The following NYAP2 variants were observed in gnomAD, a reference collection of about 807,000 sequenced individuals.
NYAP2 encodes neuronal tyrosine-phosphorylated phosphoinositide-3-kinase adapter 2.
Under a neutral mutation model 50.4 loss-of-function variants are expected in NYAP2, and 23 were observed. That is an observed-to-expected ratio of 0.46 (90% confidence interval 0.33 to 0.65). NYAP2 has a LOEUF of 0.65. Among genes scored for constraint, NYAP2 ranks in the 30% least tolerant of loss-of-function variants. The pLI is 0.02. For synonymous variants in NYAP2, 394 were observed against 365.2 expected (o/e 1.08, Z -0.90); for missense variants, 885 against 861.0 (o/e 1.03, Z -0.35).
chr2:225,449,178 T>G (rs535788254), intron 3 of NYAP2, among the ~76,000 whole-genome samples: 8 of 152,332 alleles, frequency 5.3e-5, no homozygotes, highest in Admixed American at 5.2e-4. Context: ...AGTGTAAGTT[T>G]CAAAGCTTCG....
rs182717542 is a variant in NYAP2 at position 225,416,931 on chromosome 2, C to A, written c.221+7830C>A. On this transcript the variant is annotated intron_variant, in intron 3 of 6. Coordinates refer to ENST00000636099, the Ensembl canonical transcript of NYAP2. Reference sequence around the variant, plus strand: ...ACCTTCCAAACATCCAACACCATGGCAAATTGAATGATTAAACAGAAGCCC... The same window carrying A: ...ACCTTCCAAACATCCAACACCATGGAAAATTGAATGATTAAACAGAAGCCC... 6.8e-3 allele frequency among the ~76,000 whole-genome samples: 1,042 copies of A among 152,194 alleles called. 9 individuals carry two copies. The highest frequency in any genetic ancestry group is 0.024 in the African/African-American group (985 of 41,510).
chr2:225,591,643 A>G (rs1692506294), intron 5 of NYAP2, among the ~76,000 whole-genome samples: 1 of 152,144 alleles, frequency 6.6e-6, no homozygotes, highest in Non-Finnish European at 1.5e-5. Flanking sequence ...GCCGTTTTAA[A>G]GATGGAAGAA....
intron 5 of NYAP2, among the ~76,000 whole-genome samples, chr2:225,585,068 C>G (rs1043372292): frequency 6.6e-6 from 1 of 152,184 alleles, no homozygotes; most frequent in Non-Finnish European, 1.5e-5. Flanking sequence ...AAAGAATGAT[C>G]TGGTCTACAA....
chr2:225,553,614 G>A (rs181734883), intron 4 of NYAP2, among the ~76,000 whole-genome samples: 6 of 152,296 alleles, frequency 3.9e-5, no homozygotes, highest in South Asian at 2.1e-4. Flanking sequence ...GAGAAGGATC[G>A]GACAAGTGTT....
intron 4 of NYAP2, among the ~76,000 whole-genome samples, chr2:225,536,554 A>G (rs1264573476): frequency 1.3e-5 from 2 of 152,042 alleles, no homozygotes; most frequent in Non-Finnish European, 2.9e-5. Context: ...TTTTTTGAGT[A>G]TATAGTAGGT....
chr2:225,668,735 T>A, the NYAP2 span, among the ~76,000 whole-genome samples: 1 of 152,180 alleles, frequency 6.6e-6, no homozygotes, highest in African/African-American at 2.4e-5. Context: ...CTTTCCTGTG[T>A]GTGTGTCAGC....
chr2:225,675,248 T>TAA, the NYAP2 span, among the ~76,000 whole-genome samples: 1 of 152,086 alleles, frequency 6.6e-6, no homozygotes, highest in African/African-American at 2.4e-5. Flanking sequence ...ACCAAGGCAG[T>TAA]AAGCATAGTA....
chr2:225,463,461 C>G (rs1689866733), intron 3 of NYAP2, among the ~76,000 whole-genome samples: 1 of 152,222 alleles, frequency 6.6e-6, no homozygotes, highest in Admixed American at 6.5e-5. Context: ...TTTTCAGGTG[C>G]TCCTACTTTG....
At chr2:225,639,687 T>C (rs111858447) in intron 6 of NYAP2, among the ~76,000 whole-genome samples, 3,394 of 152,302 alleles carry the variant, frequency 0.022, 60 homozygotes, top group Non-Finnish European at 0.034. Flanking sequence ...ATTCTTTCAT[T>C]TATTCATCTA....
chr2:225,528,246 G>C (rs912226249), intron 4 of NYAP2, among the ~76,000 whole-genome samples: 3 of 152,180 alleles, frequency 2.0e-5, no homozygotes, highest in Non-Finnish European at 4.4e-5. Context: ...TCAACTCATG[G>C]AAAGTTAATG....
At chr2:225,477,326 T>G (rs1371766979) in intron 3 of NYAP2, among the ~76,000 whole-genome samples, 3 of 126,504 alleles carry the variant, frequency 2.4e-5, no homozygotes, top group African/African-American at 9.0e-5. Context: ...AAACTCCACC[T>G]CCTGGGTTCA....
chr2:225,650,349 A>G (rs138225560), intron 6 of NYAP2, among the ~76,000 whole-genome samples: 6 of 152,328 alleles, frequency 3.9e-5, no homozygotes, highest in African/African-American at 1.4e-4. Context: ...AATTGGGCAC[A>G]TTCTGGCTCT....
chr2:225,669,067 C>G, the NYAP2 span, among the ~76,000 whole-genome samples: 3 of 138,856 alleles, frequency 2.2e-5, no homozygotes, highest in Non-Finnish European at 4.5e-5. Context: ...GTATGAATAC[C>G]AAAAACTACA....
chr2:225,429,312 T>C (rs1213183654), intron 3 of NYAP2, among the ~76,000 whole-genome samples: 2 of 152,212 alleles, frequency 1.3e-5, no homozygotes, highest in Non-Finnish European at 2.9e-5. Context: ...AGCTTGCATG[T>C]TGCATAGTGA....
chr2:225,494,842 C>G (rs1385426559), intron 3 of NYAP2, among the ~76,000 whole-genome samples: 1 of 152,114 alleles, frequency 6.6e-6, no homozygotes, highest in African/African-American at 2.4e-5. Context: ...ATTTTCACCT[C>G]CATTCTTGTG....
At chr2:225,689,764 G>A in the NYAP2 span, among the ~76,000 whole-genome samples, 1 of 152,052 alleles carries the variant, frequency 6.6e-6, no homozygotes, top group African/African-American at 2.4e-5. Context: ...TAGAGTTAAA[G>A]ATGGAAAAAA....
upstream of NYAP2, among the ~76,000 whole-genome samples, chr2:225,398,222 A>G (rs1694802943): frequency 6.6e-6 from 1 of 151,936 alleles, no homozygotes; most frequent in South Asian, 2.1e-4. Context: ...CAGCCCAGGG[A>G]CCTTGGGTCT....
At chr2:225,650,726 A>G (rs144495830) in intron 6 of NYAP2, among the ~76,000 whole-genome samples, 73 of 152,300 alleles carry the variant, frequency 4.8e-4, no homozygotes, top group African/African-American at 1.7e-3. Context: ...AATATCTTCA[A>G]ATATGTCTTT....
intron 4 of NYAP2, among the ~76,000 whole-genome samples, chr2:225,530,827 T>C (rs1164591896): frequency 3.3e-5 from 5 of 152,332 alleles, no homozygotes; most frequent in African/African-American, 9.6e-5. Context: ...AAGAGCCTAA[T>C]TGGATTGCAC....
Sources: allele counts gnomAD v4.1 joint callset (sites outside exome capture counted in the v4.1 genomes callset), GRCh38; gene constraint gnomAD v4.1.1; transcripts MANE v1.5; gene names NCBI Gene and HGNC (gene_info 2026-07-23, HGNC 2026-07-21).